The following PPA2 variants were observed in gnomAD, a reference collection of about 807,000 sequenced individuals.
PPA2 encodes inorganic pyrophosphatase 2, mitochondrial.
Under a neutral mutation model 49.5 loss-of-function variants are expected in PPA2, and 48 were observed. The ratio of observed to expected loss-of-function variants is 0.97; its 90% CI spans 0.77 to 1.23. PPA2 has a LOEUF of 1.23. Ranked by LOEUF, PPA2 falls within the 50% of genes most tolerant of loss-of-function variation. PPA2 has a pLI of 0.00. For missense variants in PPA2, 429 were observed against 410.1 expected (o/e 1.05, Z -0.40); for synonymous variants, 131 against 139.9 (o/e 0.94, Z 0.45).
rs144730756 is a variant in PPA2, at chr4:105,417,704, C to T, written c.655+6492G>A. Reference sequence around the variant, plus strand: ...CCTACAACCCATCCCTACATACCTACACCCATTAATGAAATAAGAGGAATA... The same window carrying T: ...CCTACAACCCATCCCTACATACCTATACCCATTAATGAAATAAGAGGAATA... On this transcript the variant is annotated intron_variant, in intron 7 of 11. Coordinates refer to ENST00000341695, the MANE Select transcript of PPA2 (RefSeq NM_176869.3). Among the ~76,000 whole-genome samples, 103 of 152,292 alleles carry T rather than the reference C, an allele frequency of 6.8e-4. 1 individual carries two copies. Among genetic ancestry groups the T allele is most frequent in the Middle Eastern group, 3.4e-3 (1 of 294 alleles).
intron 10 of PPA2, among the ~76,000 whole-genome samples, chr4:105,381,022 A>C (rs1456483615): frequency 6.6e-6 from 1 of 152,132 alleles, no homozygotes; most frequent in Non-Finnish European, 1.5e-5. Context: ...CAAGTCTGAA[A>C]GCTTCCCTTT....
intron 5 of PPA2, among the ~76,000 whole-genome samples, chr4:105,443,266 A>G (rs1396121861): frequency 1.3e-5 from 2 of 152,068 alleles, no homozygotes; most frequent in African/African-American, 4.8e-5. Flanking sequence ...TTCCCAGGAA[A>G]GGACACAGTG....
intron 7 of PPA2, among the ~76,000 whole-genome samples, chr4:105,411,848 A>T (rs916325666): frequency 6.6e-6 from 1 of 152,216 alleles, no homozygotes; most frequent in Non-Finnish European, 1.5e-5. Flanking sequence ...CAATTGCTAC[A>T]AAGAGAATAA....
intron 3 of PPA2, among the ~76,000 whole-genome samples, chr4:105,450,798 AG>A (rs1354617491): frequency 2.0e-5 from 3 of 151,870 alleles, no homozygotes; most frequent in Non-Finnish European, 4.4e-5. Flanking sequence ...TAGTAGAGAC[AG>A]GGTTTCACTG....
chr4:105,399,305 C>T, intron 7 of PPA2, 141 bp from the exon 8 acceptor site: 1 of 732,896 alleles, frequency 1.4e-6, no homozygotes, highest in East Asian at 2.6e-5. Context: ...CCTAGAGCAG[C>T]ATCATCATTG....
chr4:105,438,036 T>C lies in PPA2; in HGVS notation c.442A>G (p.Thr148Ala), dbSNP rs1187924642. The C allele has an allele frequency of 6.3e-7, 1 of 1,595,734 alleles. No homozygotes were observed. ...TCTTTTTCATGGGGATCTTCCCAAGTCTAAAATTTTTTTTTTAAAAAAAAG... is the reference window on the plus strand; with the variant it reads ...TCTTTTTCATGGGGATCTTCCCAAGCCTAAAATTTTTTTTTTAAAAAAAAG... The part of the protein sequence containing the change: ...YIWNYGTLPQ[T>A]WEDPHEKDKS... Residue 148 changes from threonine to alanine, a missense_variant and splice_region_variant, in exon 6 of 12, where the codon ACT becomes GCT. Physicochemically the swap from Thr to Ala is moderately conservative, Grantham distance 58. Coordinates refer to ENST00000341695, the MANE Select transcript of PPA2 (RefSeq NM_176869.3).
intron 1 of PPA2, among the ~76,000 whole-genome samples, chr4:105,459,013 G>A (rs1722978818): frequency 6.6e-6 from 1 of 151,958 alleles, no homozygotes; most frequent in African/African-American, 2.4e-5. Context: ...TCTAGCATCT[G>A]GGAAAGTACC....
At chr4:105,449,593 G>A (rs1007594375) in intron 3 of PPA2, among the ~76,000 whole-genome samples, 190 bp from the exon 4 acceptor site, 1 of 152,068 alleles carries the variant, frequency 6.6e-6, no homozygotes, top group Non-Finnish European at 1.5e-5. Flanking sequence ...CCAAATTTAG[G>A]CCACCATGTC....
intron 10 of PPA2, among the ~76,000 whole-genome samples, chr4:105,377,965 T>A (rs1302576070): frequency 1.3e-5 from 2 of 152,166 alleles, no homozygotes; most frequent in Non-Finnish European, 2.9e-5. Context: ...TGTTTTCAGT[T>A]TCTGTCTATC....
chr4:105,387,839 A>C (rs1733746253), intron 9 of PPA2, among the ~76,000 whole-genome samples: 1 of 151,070 alleles, frequency 6.6e-6, no homozygotes, highest in Non-Finnish European at 1.5e-5. Context: ...CAATTGAAAA[A>C]GGCAGAGCCC....
At chr4:105,440,781 T>C (rs192901237) in intron 5 of PPA2, among the ~76,000 whole-genome samples, 2 of 152,286 alleles carry the variant, frequency 1.3e-5, no homozygotes, top group East Asian at 3.9e-4. Flanking sequence ...GTTGGTTGGT[T>C]GGTCCTCAGA....
At chr4:105,395,815 T>C (rs1414427319) in intron 9 of PPA2, among the ~76,000 whole-genome samples, 1 of 152,134 alleles carries the variant, frequency 6.6e-6, no homozygotes, top group East Asian at 1.9e-4. Context: ...CAAAAATGGG[T>C]GAATATACAT....
intron 5 of PPA2, among the ~76,000 whole-genome samples, chr4:105,440,034 C>G (rs981906607): frequency 1.3e-5 from 2 of 151,940 alleles, no homozygotes; most frequent in African/African-American, 4.8e-5. Context: ...ATCAAACAAC[C>G]TACTGCAGAA....
intron 7 of PPA2, among the ~76,000 whole-genome samples, chr4:105,415,703 G>A (rs1722977605): frequency 6.6e-6 from 1 of 152,212 alleles, no homozygotes; most frequent in Admixed American, 6.5e-5. Flanking sequence ...GTAGCCCGGT[G>A]GAGTGTGCAG....
chr4:105,427,631 G>A (rs1257711029), intron 6 of PPA2, among the ~76,000 whole-genome samples: 4 of 152,042 alleles, frequency 2.6e-5, no homozygotes, highest in Non-Finnish European at 1.5e-5. Context: ...GAAATAAAGC[G>A]AGAAGACAAG....
intron 1 of PPA2, among the ~76,000 whole-genome samples, chr4:105,466,719 C>T (rs1423281464): frequency 4.6e-5 from 7 of 152,188 alleles, no homozygotes; most frequent in Admixed American, 1.3e-4. Flanking sequence ...GACCTTTCAA[C>T]TTGGGGTTTT....
intron 10 of PPA2, among the ~76,000 whole-genome samples, chr4:105,380,504 T>TACTTCAAAC (rs1733445707): frequency 6.6e-6 from 1 of 152,194 alleles, no homozygotes; most frequent in Admixed American, 6.5e-5. Context: ...AATCACGAAG[T>TACTTCAAAC]ACTTCAAACA....
At chr4:105,462,444 C>A (rs1466430396) in intron 1 of PPA2, among the ~76,000 whole-genome samples, 1 of 152,188 alleles carries the variant, frequency 6.6e-6, no homozygotes, top group Non-Finnish European at 1.5e-5. Context: ...TCTACCTCTC[C>A]CCAGTCTAGT....
At chr4:105,462,535 G>A (rs1401242093) in intron 1 of PPA2, among the ~76,000 whole-genome samples, 1 of 152,188 alleles carries the variant, frequency 6.6e-6, no homozygotes, top group Non-Finnish European at 1.5e-5. Flanking sequence ...AGCATATTTA[G>A]TAGTTTTTGT....
Sources: gnomAD v4.1 joint callset for allele counts (sites outside exome capture counted in the v4.1 genomes callset) on GRCh38, gnomAD v4.1.1 for gene constraint, MANE v1.5 for transcripts, NCBI Gene and HGNC (gene_info 2026-07-23, HGNC 2026-07-21) for gene names.